FZD3: variants seen among roughly 807,000 people sequenced by gnomAD.
FZD3 encodes the protein frizzled class receptor 3.
A neutral mutation model predicts 60.7 loss-of-function variants in FZD3; 30 were observed. The ratio of observed to expected loss-of-function variants is 0.49; its 90% CI spans 0.37 to 0.67. The LOEUF is 0.67. FZD3 is among the 30% of genes least tolerant of loss of function. FZD3 has a pLI of 0.00. For missense variants in FZD3, 605 were observed against 838.7 expected (o/e 0.72, Z 3.44); for synonymous variants, 246 against 275.2 (o/e 0.89, Z 1.05).
chr8:28,564,437 T>G lies in FZD3; in HGVS notation c.*1426T>G, dbSNP rs112236627. 0.012 allele frequency: 1,325 copies of G among 113,196 alleles called. 20 individuals carry two copies. The highest frequency in any genetic ancestry group is 0.042 in the African/African-American group (1,224 of 28,980). 7.0% of individuals were successfully genotyped at this position (113,196 alleles called of 1,614,324 possible). ...TCTCATACAAATAAGAATTGGTAGC[T>G]TTCTTAAAAAAAAAAAAAAAAAAAA... On this transcript the variant is annotated 3_prime_UTR_variant, in exon 8 of 8. Transcript: ENST00000240093.
At position 28,522,976 on chromosome 8, in the gene FZD3, G is replaced by T. The variant is rs569695357; in HGVS notation, c.386+2142G>T. On this transcript the variant is annotated intron_variant, in intron 4 of 7. Transcript: ENST00000240093. ...GTAGAGACGGGGTTTCACCACGTTG[G>T]CCAGGCTGGTCTCGAACTCCTGACT... Among the ~76,000 whole-genome samples, 9 of 152,002 alleles carry T rather than the reference G, an allele frequency of 5.9e-5. No homozygotes were observed. The South Asian group carries it at 1.0e-3, about 18-fold the overall frequency.
At position 28,533,577 on chromosome 8, in the gene FZD3, G is replaced by GTTTGTTTTGT. The variant is rs199572463; in HGVS notation, c.1404+5446_1404+5455dup. Reference sequence around the variant, plus strand: ...TGAACTTAACTTTAAGTAACTTTATGTTTGTTTTGTTTTGTTTTGTTTTGT... The same window carrying GTTTGTTTTGT: ...TGAACTTAACTTTAAGTAACTTTATGTTTGTTTTGTTTTGTTTTGTTTTGTTTTGTTTTGT... On this transcript the variant is annotated intron_variant, in intron 5 of 7. Coordinates refer to ENST00000240093, the MANE Select transcript of FZD3 (RefSeq NM_017412.4). Among the ~76,000 whole-genome samples the GTTTGTTTTGT allele has an allele frequency of 2.7e-3, 406 of 150,744 alleles. 5 individuals are homozygous for GTTTGTTTTGT. Among genetic ancestry groups the GTTTGTTTTGT allele is most frequent in the South Asian group, 0.023 (109 of 4,736 alleles).
At position 28,525,659 on chromosome 8, in the gene FZD3, A is replaced by G. The variant is rs142641316; in HGVS notation, c.387-1488A>G. On this transcript the variant is annotated intron_variant, in intron 4 of 7. Coordinates refer to ENST00000240093, the MANE Select transcript of FZD3 (RefSeq NM_017412.4). ...TGAGTAGCTCTGGTAAGGAATTTGG[A>G]TTTGACTCTGAGATGAGAAGCCATT... Among the ~76,000 whole-genome samples the G allele has an allele frequency of 1.1e-4, 16 of 152,222 alleles. No individual in the cohort carries two copies. The East Asian group carries it at 3.1e-3, about 29-fold the overall frequency.
At chr8:28,514,630 T>A (rs1398743317) in intron 3 of FZD3, among the ~76,000 whole-genome samples, 7 of 152,238 alleles carry the variant, frequency 4.6e-5, no homozygotes, top group Admixed American at 3.9e-4. Flanking sequence ...ATAAATAGAA[T>A]CATGCCGTAT....
intron 6 of FZD3, among the ~76,000 whole-genome samples, chr8:28,553,311 T>A (rs572443817): frequency 6.6e-6 from 1 of 152,344 alleles, no homozygotes; most frequent in African/African-American, 2.4e-5. Context: ...ACCAACTACT[T>A]TTGGATACCA....
At chr8:28,530,132 TGTGTGTGTGTTG>T (rs1804828993) in intron 5 of FZD3, among the ~76,000 whole-genome samples, 2 of 82,878 alleles carry the variant, frequency 2.4e-5, no homozygotes, top group Non-Finnish European at 5.1e-5. Flanking sequence ...TGTGTGTGTG[TGTGTGTGTGTTG>T]GGGGGGATTA....
At chr8:28,505,700 C>T (rs1357989684) in intron 3 of FZD3, among the ~76,000 whole-genome samples, 1 of 152,142 alleles carries the variant, frequency 6.6e-6, no homozygotes, top group Non-Finnish European at 1.5e-5. Context: ...GCCTGGAACA[C>T]AATGGTATGT....
chr8:28,567,179 A>T lies in FZD3; in HGVS notation c.*4168A>T, dbSNP rs1026522385. The T allele has an allele frequency of 3.3e-5, 5 of 152,420 alleles. No individual in the cohort carries two copies. The highest frequency in any genetic ancestry group is 2.9e-5 in the Non-Finnish European group (2 of 68,382). The allele number at this position is 152,420 out of a possible 1,614,324, so 9.4% of individuals were successfully genotyped here. On this transcript the variant is annotated 3_prime_UTR_variant, in exon 8 of 8. Transcript: ENST00000240093. ...ATTTTTTTTTCTTTTTTTGAGACGG[A>T]GTCTGGCTTTGTTGCCCAGGCTGGA...
At chr8:28,503,272 TG>T in intron 3 of FZD3, 70 bp downstream of exon 3, 1 of 811,670 alleles carries the variant, frequency 1.2e-6, no homozygotes, top group East Asian at 2.6e-5. Flanking sequence ...GCCAATCTAA[TG>T]AATGTGTTTG....
At chr8:28,541,381 T>A (rs1041159890) in intron 5 of FZD3, among the ~76,000 whole-genome samples, 1 of 152,276 alleles carries the variant, frequency 6.6e-6, no homozygotes, top group Admixed American at 6.5e-5. Flanking sequence ...GTTACATCCC[T>A]GCTGTCTTCC....
In FZD3 at chr8:28,563,143, G is replaced by C; in HGVS notation, c.*132G>C. On this transcript the variant is annotated 3_prime_UTR_variant, in exon 8 of 8. Transcript: ENST00000240093. ...AAGTACAGATTGTGTCCACTGGAAA[G>C]GTAAATGATTGCTTTTTTATATTGC... The C allele has an allele frequency of 1.5e-6, 1 of 652,762 alleles. No homozygotes were observed. Among genetic ancestry groups the C allele is most frequent in the South Asian group, 1.9e-5 (1 of 53,866 alleles). 40.4% of individuals were successfully genotyped at this position (652,762 alleles called of 1,614,324 possible).
intron 5 of FZD3, among the ~76,000 whole-genome samples, chr8:28,543,989 T>G (rs1805236988): frequency 1.3e-5 from 2 of 152,036 alleles, no homozygotes; most frequent in Admixed American, 1.3e-4. Flanking sequence ...TCAGGACTTC[T>G]CAGAACCTTG....
chr8:28,507,408 ATTG>A (rs1319482512), intron 3 of FZD3, among the ~76,000 whole-genome samples: 1 of 151,918 alleles, frequency 6.6e-6, no homozygotes, highest in East Asian at 1.9e-4. Flanking sequence ...TTGGTTTTTT[ATTG>A]TTGTTTTGGA....
chr8:28,495,861 T>C (rs1388013829), intron 1 of FZD3, among the ~76,000 whole-genome samples: 1 of 147,070 alleles, frequency 6.8e-6, no homozygotes, highest in Non-Finnish European at 1.5e-5. Context: ...CCCCACCCCA[T>C]TGTTTGAAAC....
intron 3 of FZD3, among the ~76,000 whole-genome samples, chr8:28,511,094 G>A (rs564294647): frequency 1.3e-5 from 2 of 150,876 alleles, no homozygotes; most frequent in African/African-American, 4.9e-5. Flanking sequence ...GCTCATGCCT[G>A]TAATCCCAAC....
chr8:28,504,653 G>C (rs1488272441), intron 3 of FZD3, among the ~76,000 whole-genome samples: 6 of 152,116 alleles, frequency 3.9e-5, no homozygotes, highest in African/African-American at 1.4e-4. Context: ...CACCTTGAAG[G>C]GCTGTTAGGA....
At chr8:28,529,648 CT>C (rs1189473236) in intron 5 of FZD3, among the ~76,000 whole-genome samples, 1 of 152,064 alleles carries the variant, frequency 6.6e-6, no homozygotes, top group African/African-American at 2.4e-5. Flanking sequence ...GCCAATTTCC[CT>C]TTTATTTTGG....
chr8:28,506,487 T>G (rs1804143696), intron 3 of FZD3, among the ~76,000 whole-genome samples: 1 of 152,172 alleles, frequency 6.6e-6, no homozygotes, highest in African/African-American at 2.4e-5. Context: ...GTCACCCTGT[T>G]TTTTCATTTC....
chr8:28,502,295 A>T (rs1467866162), intron 2 of FZD3, among the ~76,000 whole-genome samples: 1 of 152,188 alleles, frequency 6.6e-6, no homozygotes, highest in East Asian at 1.9e-4. Context: ...TTTTAGTTCA[A>T]TAATTTAGGT....
Sources: gnomAD v4.1 joint callset for allele counts (sites outside exome capture counted in the v4.1 genomes callset) on GRCh38, gnomAD v4.1.1 for gene constraint, MANE v1.5 for transcripts, NCBI Gene and HGNC (gene_info 2026-07-23, HGNC 2026-07-21) for gene names.